The following GALNT17 variants were observed in gnomAD, a reference collection of about 807,000 sequenced individuals.
GALNT17 encodes the protein UDP-GalNAc:polypeptide N-acetylgalactosaminyltransferase-like 3.
A neutral mutation model predicts 63.7 loss-of-function variants in GALNT17; 29 were observed. The ratio of observed to expected loss-of-function variants is 0.46; its 90% CI spans 0.34 to 0.62. GALNT17 has a LOEUF of 0.62. Among genes scored for constraint, GALNT17 ranks in the 20% least tolerant of loss-of-function variants. The pLI, the probability that GALNT17 is intolerant of heterozygous loss-of-function variation, is 0.01. For missense variants in GALNT17, 603 were observed against 799.6 expected (o/e 0.75, Z 2.97); for synonymous variants, 305 against 318.3 (o/e 0.96, Z 0.45).
At chr7:71,302,714 C>T (rs965629137) in intron 1 of GALNT17, among the ~76,000 whole-genome samples, 2 of 152,126 alleles carry the variant, frequency 1.3e-5, no homozygotes, top group Non-Finnish European at 2.9e-5. Flanking sequence ...CATAGCATAA[C>T]CGTGCTCTTT....
chr7:71,253,762 C>T (rs1790242748), intron 1 of GALNT17, among the ~76,000 whole-genome samples: 1 of 152,118 alleles, frequency 6.6e-6, no homozygotes, highest in Admixed American at 6.6e-5. Context: ...CCAAAGAACT[C>T]TGATTCTAAA....
At chr7:71,238,245 G>A (rs914190584) in intron 1 of GALNT17, among the ~76,000 whole-genome samples, 14 of 152,200 alleles carry the variant, frequency 9.2e-5, no homozygotes, top group African/African-American at 3.4e-4. Flanking sequence ...TTCTTTTGCA[G>A]TATTTCAGGC....
chr7:71,226,836 A>G (rs1218732166), intron 1 of GALNT17, among the ~76,000 whole-genome samples: 2 of 152,076 alleles, frequency 1.3e-5, no homozygotes, highest in Admixed American at 6.6e-5. Context: ...AATGGAAAGT[A>G]TTGCCAAAAG....
intron 5 of GALNT17, among the ~76,000 whole-genome samples, chr7:71,472,497 G>C (rs1161942229): frequency 6.6e-6 from 1 of 152,068 alleles, no homozygotes; most frequent in Non-Finnish European, 1.5e-5. Context: ...GACCATACTG[G>C]CCAACATGGT....
intron 8 of GALNT17, among the ~76,000 whole-genome samples, chr7:71,675,506 C>T (rs1489849334): frequency 2.0e-5 from 3 of 152,002 alleles, no homozygotes; most frequent in African/African-American, 7.2e-5. Flanking sequence ...ACCTATAATC[C>T]CAGCAGTTTG....
intron 6 of GALNT17, among the ~76,000 whole-genome samples, chr7:71,619,861 T>G (rs770653026): frequency 6.6e-6 from 1 of 152,166 alleles, no homozygotes; most frequent in Non-Finnish European, 1.5e-5. Flanking sequence ...TATCCTTGTC[T>G]TGTTTCAGTT....
intron 1 of GALNT17, among the ~76,000 whole-genome samples, chr7:71,244,744 C>T (rs528143940): frequency 6.6e-6 from 1 of 152,202 alleles, no homozygotes; most frequent in African/African-American, 2.4e-5. Flanking sequence ...AGGCCAGGAA[C>T]TGGAGACCAG....
chr7:71,511,621 C>G (rs1176921548), intron 5 of GALNT17, among the ~76,000 whole-genome samples: 1 of 152,158 alleles, frequency 6.6e-6, no homozygotes. Context: ...CCCTGCTAGC[C>G]TAAGTATCAC....
At chr7:71,233,749 A>G (rs773613506) in intron 1 of GALNT17, among the ~76,000 whole-genome samples, 3 of 152,230 alleles carry the variant, frequency 2.0e-5, no homozygotes, top group Non-Finnish European at 2.9e-5. Context: ...CCTTGGGAGC[A>G]CACATGTATT....
chr7:71,700,619 A>G (rs1462624643), intron 9 of GALNT17, among the ~76,000 whole-genome samples: 3 of 152,018 alleles, frequency 2.0e-5, no homozygotes, highest in Non-Finnish European at 4.4e-5. Flanking sequence ...AAAACACCAC[A>G]TTTCCTCTGG....
At chr7:71,621,878 C>T (rs1584095823) in intron 6 of GALNT17, among the ~76,000 whole-genome samples, 2 of 152,266 alleles carry the variant, frequency 1.3e-5, no homozygotes, top group South Asian at 4.1e-4. Context: ...GAAGAGTAAA[C>T]TAACTTTCTT....
intron 6 of GALNT17, among the ~76,000 whole-genome samples, chr7:71,611,294 G>T (rs115983625): frequency 0.013 from 2,045 of 152,160 alleles, 41 homozygotes; most frequent in African/African-American, 0.047. Context: ...GTCCTCTGGG[G>T]TGGGCACTCA....
At chr7:71,264,554 T>C (rs971511215) in intron 1 of GALNT17, among the ~76,000 whole-genome samples, 3 of 152,130 alleles carry the variant, frequency 2.0e-5, no homozygotes, top group Non-Finnish European at 4.4e-5. Flanking sequence ...GTATTCATAA[T>C]AGCAAAGGTA....
chr7:71,311,445 G>C (rs1791412347), intron 1 of GALNT17, among the ~76,000 whole-genome samples: 1 of 152,090 alleles, frequency 6.6e-6, no homozygotes, highest in South Asian at 2.1e-4. Flanking sequence ...TAAGGGTGCT[G>C]TTATTGCAAG....
intron 2 of GALNT17, among the ~76,000 whole-genome samples, chr7:71,374,834 A>ATT (rs71089940): frequency 0.023 from 2,521 of 109,550 alleles, 80 homozygotes; most frequent in African/African-American, 0.053. Context: ...CTTGAGGAGG[A>ATT]TTTTTTTTTT....
At chr7:71,508,231 G>A (rs942847518) in intron 5 of GALNT17, among the ~76,000 whole-genome samples, 12 of 152,122 alleles carry the variant, frequency 7.9e-5, no homozygotes, top group African/African-American at 2.4e-4. Flanking sequence ...AGAAATAAAC[G>A]CAACCTCCAC....
At chr7:71,370,903 G>A (rs956332134) in intron 2 of GALNT17, among the ~76,000 whole-genome samples, 2 of 150,784 alleles carry the variant, frequency 1.3e-5, no homozygotes, top group South Asian at 2.1e-4. Context: ...ACTGTGCCTC[G>A]TCTGACTTTA....
intron 5 of GALNT17, among the ~76,000 whole-genome samples, chr7:71,490,133 C>T (rs1316089008): frequency 2.0e-5 from 3 of 152,002 alleles, no homozygotes; most frequent in African/African-American, 7.3e-5. Context: ...GTGGCGGCAC[C>T]TGTAATCCCA....
chr7:71,534,911 A>G (rs1295582772), intron 5 of GALNT17, among the ~76,000 whole-genome samples: 1 of 152,196 alleles, frequency 6.6e-6, no homozygotes, highest in African/African-American at 2.4e-5. Flanking sequence ...TCGGAGAACT[A>G]CACTTCTGTG....
Sources: gnomAD v4.1 joint callset for allele counts (sites outside exome capture counted in the v4.1 genomes callset) on GRCh38, gnomAD v4.1.1 for gene constraint, MANE v1.5 for transcripts, NCBI Gene and HGNC (gene_info 2026-07-23, HGNC 2026-07-21) for gene names.